Variants in SLIT2 observed in about 807,000 individuals in gnomAD.
The protein encoded by SLIT2 is slit homolog 2 protein.
SLIT2 carries 41 observed loss-of-function variants against 185.7 expected under a neutral mutation model. The ratio of observed to expected loss-of-function variants is 0.22; its 90% CI spans 0.17 to 0.29. The LOEUF (loss-of-function observed/expected upper bound fraction) is 0.29. Ranked by LOEUF, SLIT2 falls within the 10% of genes least tolerant of loss-of-function variation. The pLI, the probability that SLIT2 is intolerant of heterozygous loss-of-function variation, is 1.00. For synonymous variants in SLIT2, 693 were observed against 680.2 expected (o/e 1.02, Z -0.29); for missense variants, 1,571 against 1,909.0 (o/e 0.82, Z 3.30).
At chr4:20,388,793 A>T (rs1577556532) in intron 4 of SLIT2, among the ~76,000 whole-genome samples, 1 of 118,644 alleles carries the variant, frequency 8.4e-6, no homozygotes, top group Admixed American at 8.4e-5. Context: ...AAAAAAAAAA[A>T]TATATATATA....
At chr4:20,329,156 A>G (rs1719853993) in intron 4 of SLIT2, among the ~76,000 whole-genome samples, 1 of 151,974 alleles carries the variant, frequency 6.6e-6, no homozygotes, top group South Asian at 2.1e-4. Context: ...CATTCACTAT[A>G]TATTATAGGG....
intron 4 of SLIT2, among the ~76,000 whole-genome samples, chr4:20,322,641 A>G (rs944212716): frequency 3.3e-5 from 5 of 152,156 alleles, no homozygotes; most frequent in African/African-American, 1.2e-4. Context: ...TAGTATTTAT[A>G]CAATAGCAAT....
intron 18 of SLIT2, among the ~76,000 whole-genome samples, chr4:20,533,934 T>TACACACACAC (rs3049205): frequency 2.6e-5 from 4 of 150,990 alleles, no homozygotes; most frequent in Admixed American, 6.6e-5. Context: ...CGATGTGTGT[T>TACACACACAC]ACACACACAC....
intron 18 of SLIT2, among the ~76,000 whole-genome samples, chr4:20,533,934 TACACACAC>T (rs3049205): frequency 6.6e-6 from 1 of 150,990 alleles, no homozygotes. Flanking sequence ...CGATGTGTGT[TACACACAC>T]ACACACACAC....
intron 4 of SLIT2, among the ~76,000 whole-genome samples, chr4:20,294,912 A>T (rs1716319413): frequency 6.6e-6 from 1 of 152,244 alleles, no homozygotes; most frequent in South Asian, 2.1e-4. Flanking sequence ...TCACACGAAA[A>T]TCAGTTGAAG....
intron 6 of SLIT2, among the ~76,000 whole-genome samples, chr4:20,485,572 A>G (rs1320722244): frequency 6.6e-6 from 1 of 152,166 alleles, no homozygotes; most frequent in Non-Finnish European, 1.5e-5. Flanking sequence ...TGCTACTGCA[A>G]CTAAAAACCA....
intron 4 of SLIT2, among the ~76,000 whole-genome samples, chr4:20,384,473 C>T (rs1246688117): frequency 1.3e-5 from 2 of 152,080 alleles, no homozygotes; most frequent in Non-Finnish European, 2.9e-5. Flanking sequence ...ACTTAACATT[C>T]ATTAATTTTA....
At chr4:20,585,403 G>A (rs1474893025) in intron 29 of SLIT2, among the ~76,000 whole-genome samples, 1 of 152,186 alleles carries the variant, frequency 6.6e-6, no homozygotes, top group Non-Finnish European at 1.5e-5. Context: ...AATCACAAAT[G>A]CCAGGCAATG....
At chr4:20,307,920 A>C (rs990612239) in intron 4 of SLIT2, among the ~76,000 whole-genome samples, 6 of 152,296 alleles carry the variant, frequency 3.9e-5, no homozygotes, top group Admixed American at 6.5e-5. Context: ...TTTTCACAAC[A>C]CAGCAGCTAT....
At chr4:20,440,257 A>G (rs1327213305) in intron 4 of SLIT2, among the ~76,000 whole-genome samples, 1 of 152,252 alleles carries the variant, frequency 6.6e-6, no homozygotes, top group Non-Finnish European at 1.5e-5. Flanking sequence ...TACAAATGTT[A>G]GCATGATTGG....
At chr4:20,343,802 T>TAAAAAAAAA (rs34514669) in intron 4 of SLIT2, among the ~76,000 whole-genome samples, 1 of 130,640 alleles carries the variant, frequency 7.7e-6, no homozygotes, top group Non-Finnish European at 1.6e-5. Context: ...TCCTTAAAAC[T>TAAAAAAAAA]AAAAAAAAAA....
intron 5 of SLIT2, among the ~76,000 whole-genome samples, chr4:20,469,024 G>A (rs2148746145): frequency 6.6e-6 from 1 of 152,090 alleles, no homozygotes; most frequent in East Asian, 1.9e-4. Context: ...GGCTTCTAAG[G>A]TATAAATGTA....
At chr4:20,524,640 T>G (rs1440707697) in intron 14 of SLIT2, among the ~76,000 whole-genome samples, 2 of 152,220 alleles carry the variant, frequency 1.3e-5, no homozygotes, top group African/African-American at 4.8e-5. Flanking sequence ...ATCCCTTGCT[T>G]CTTACTCTGA....
chr4:20,442,242 G>A (rs1215253005), intron 4 of SLIT2, among the ~76,000 whole-genome samples: 2 of 152,088 alleles, frequency 1.3e-5, no homozygotes, highest in Non-Finnish European at 2.9e-5. Context: ...CTGGTTGGCC[G>A]GGCGCGGTGG....
At chr4:20,481,545 C>T (rs577886033) in intron 6 of SLIT2, among the ~76,000 whole-genome samples, 1 of 152,200 alleles carries the variant, frequency 6.6e-6, no homozygotes, top group African/African-American at 2.4e-5. Context: ...TACAATTCCT[C>T]CACCAATTAA....
At chr4:20,329,347 A>T (rs1048836565) in intron 4 of SLIT2, among the ~76,000 whole-genome samples, 8 of 151,968 alleles carry the variant, frequency 5.3e-5, no homozygotes, top group East Asian at 1.9e-4. Context: ...ATGAAATAAG[A>T]TGTATAATTA....
chr4:20,255,071 C>T (rs1325062951), intron 1 of SLIT2: 8 of 456,080 alleles, frequency 1.8e-5, no homozygotes, highest in Non-Finnish European at 3.1e-5. Flanking sequence ...GTCCGGCCGC[C>T]CTAGGCACGT....
chr4:20,354,900 TGTGTGTGAGAGA>T lies in SLIT2; in HGVS notation c.395+86021_395+86032del, dbSNP rs1202777227. 5.5e-3 allele frequency among the ~76,000 whole-genome samples: 621 copies of T among 113,904 alleles called. 5 individuals are homozygous for T. The highest frequency in any genetic ancestry group is 0.011 in the African/African-American group (344 of 30,094). 74.7% of individuals were successfully genotyped at this position (113,904 alleles called of 152,430 possible). On this transcript the variant is annotated intron_variant, in intron 4 of 36. Transcript: ENST00000504154. Reference sequence around the variant, plus strand: ...TGGCAAGTCTGCGTGTGTGTGTGTGTGTGTGTGAGAGAGAGAGAGAGAGAGAGAGAGAGAGAG... The same window carrying T: ...TGGCAAGTCTGCGTGTGTGTGTGTGTGAGAGAGAGAGAGAGAGAGAGAGAG...
At chr4:20,374,511 A>G (rs1445747140) in intron 4 of SLIT2, among the ~76,000 whole-genome samples, 1 of 152,042 alleles carries the variant, frequency 6.6e-6, no homozygotes, top group Non-Finnish European at 1.5e-5. Flanking sequence ...GTTGTCTGAG[A>G]CTCAATAGTT....
Sources: gnomAD v4.1 joint callset for allele counts (sites outside exome capture counted in the v4.1 genomes callset) on GRCh38, gnomAD v4.1.1 for gene constraint, MANE v1.5 for transcripts, NCBI Gene and HGNC (gene_info 2026-07-23, HGNC 2026-07-21) for gene names.